The following SYNPR variants were observed in gnomAD, a reference collection of about 807,000 sequenced individuals.
The protein encoded by SYNPR is synaptoporin.
Under a neutral mutation model 32.9 loss-of-function variants are expected in SYNPR, and 23 were observed. The ratio of observed to expected loss-of-function variants is 0.70; its 90% CI spans 0.50 to 0.99. The LOEUF (loss-of-function observed/expected upper bound fraction) is 0.99, where lower values mean the gene tolerates loss of function less well. Ranked by LOEUF, SYNPR falls within the 50% of genes least tolerant of loss-of-function variation. The pLI, the probability that SYNPR is intolerant of heterozygous loss-of-function variation, is 0.00. For missense variants in SYNPR, 318 were observed against 349.3 expected, an observed-to-expected ratio of 0.91 and a Z score of 0.71; for synonymous variants, 146 against 135.9, an observed-to-expected ratio of 1.07 and a Z score of -0.52.
intron 1 of SYNPR, among the ~76,000 whole-genome samples, chr3:63,250,124 G>A (rs1035064359): frequency 7.9e-5 from 12 of 151,898 alleles, no homozygotes; most frequent in African/African-American, 2.9e-4. Context: ...TAGCATTGTA[G>A]GATAAATATG....
chr3:63,245,737 GTGTA>G (rs1328043495), intron 1 of SYNPR, among the ~76,000 whole-genome samples: 7,501 of 94,612 alleles, frequency 0.079, 185 homozygotes, highest in Middle Eastern at 0.16. Context: ...GTGTGTGTGT[GTGTA>G]TGTGTGTGTG....
chr3:63,409,112 T>C (rs1264920599), intron 2 of SYNPR, among the ~76,000 whole-genome samples: 5 of 152,148 alleles, frequency 3.3e-5, no homozygotes, highest in Non-Finnish European at 7.4e-5. Context: ...TATCATGGCA[T>C]AAACCCTATA....
intron 3 of SYNPR, among the ~76,000 whole-genome samples, chr3:63,502,308 C>T (rs1434120996): frequency 6.6e-6 from 1 of 151,810 alleles, no homozygotes; most frequent in Admixed American, 6.6e-5. Context: ...ATCCCCCTTC[C>T]CCGCCACATG....
intron 2 of SYNPR, among the ~76,000 whole-genome samples, chr3:63,323,576 A>T (rs1374178867): frequency 6.6e-6 from 1 of 152,036 alleles, no homozygotes; most frequent in Non-Finnish European, 1.5e-5. Context: ...TTTTGCTGAG[A>T]CATGATGGAA....
intron 2 of SYNPR, among the ~76,000 whole-genome samples, chr3:63,477,700 C>T (rs752589411): frequency 4.6e-5 from 7 of 152,078 alleles, no homozygotes; most frequent in East Asian, 1.9e-4. Context: ...TTTCTGGGCA[C>T]GAGCAAGCCG....
chr3:63,503,147 G>A (rs1193170740), intron 3 of SYNPR, among the ~76,000 whole-genome samples: 1 of 152,068 alleles, frequency 6.6e-6, no homozygotes, highest in African/African-American at 2.4e-5. Context: ...ATAATATTAA[G>A]AGGTATGTAA....
chr3:63,420,617 C>A lies in SYNPR; in HGVS notation c.85-60215C>A, dbSNP rs117774923. Among the ~76,000 whole-genome samples the A allele has an allele frequency of 3.9e-5, 6 of 152,070 alleles. No individual in the cohort carries two copies. The East Asian group carries it at 9.7e-4, about 24-fold the overall frequency. Reference sequence around the variant, plus strand: ...CTATAGTTTTAAAAATGGAAAATATCTTTATAATTTCAGATCTAGGAGGAA... The same window carrying A: ...CTATAGTTTTAAAAATGGAAAATATATTTATAATTTCAGATCTAGGAGGAA... On this transcript the variant is annotated intron_variant, in intron 2 of 5. Coordinates refer to ENST00000478300, the MANE Select transcript of SYNPR (RefSeq NM_001130003.2).
intron 3 of SYNPR, among the ~76,000 whole-genome samples, chr3:63,508,877 A>G (rs1701640073): frequency 6.6e-6 from 1 of 152,120 alleles, no homozygotes; most frequent in African/African-American, 2.4e-5. Context: ...AAAAATATTC[A>G]TTCACTAAGT....
chr3:63,419,999 G>A (rs1490180640), intron 2 of SYNPR, among the ~76,000 whole-genome samples: 2 of 152,166 alleles, frequency 1.3e-5, no homozygotes, highest in Non-Finnish European at 2.9e-5. Context: ...CTACCTAGTA[G>A]TAAATCTAAC....
At chr3:63,504,693 G>GA (rs1322956273) in intron 3 of SYNPR, among the ~76,000 whole-genome samples, 2 of 152,054 alleles carry the variant, frequency 1.3e-5, no homozygotes, top group Non-Finnish European at 2.9e-5. Flanking sequence ...ATCTATGCTT[G>GA]AAAAAAGGCA....
At chr3:63,363,945 A>C (rs1348463372) in intron 2 of SYNPR, among the ~76,000 whole-genome samples, 1 of 152,222 alleles carries the variant, frequency 6.6e-6, no homozygotes, top group Admixed American at 6.5e-5. Context: ...TAAGTATGAA[A>C]AGGAAATTTA....
At chr3:63,396,596 T>C (rs1289918335) in intron 2 of SYNPR, among the ~76,000 whole-genome samples, 7 of 152,046 alleles carry the variant, frequency 4.6e-5, no homozygotes, top group Admixed American at 1.3e-4. Context: ...GACTATCAGG[T>C]CTTTAGTTTG....
At chr3:63,399,211 T>C (rs1298697697) in intron 2 of SYNPR, among the ~76,000 whole-genome samples, 1 of 152,152 alleles carries the variant, frequency 6.6e-6, no homozygotes, top group South Asian at 2.1e-4. Context: ...TCAGTTTTAG[T>C]CCCAGTGCCT....
intron 2 of SYNPR, among the ~76,000 whole-genome samples, chr3:63,437,651 G>A (rs766356542): frequency 6.8e-6 from 1 of 147,362 alleles, no homozygotes; most frequent in East Asian, 2.2e-4. Context: ...GGTAGGGAGG[G>A]AGGGAGGGAG....
At chr3:63,583,304 C>CTGTAGGCCATGTGGACATATATG (rs1703124122) in intron 4 of SYNPR, among the ~76,000 whole-genome samples, 2 of 152,036 alleles carry the variant, frequency 1.3e-5, no homozygotes. Context: ...TTCTTGGCTC[C>CTGTAGGCCATGTGGACATATATG]TGTAGGCCAT....
At chr3:63,604,734 G>C (rs186113181) in intron 4 of SYNPR, among the ~76,000 whole-genome samples, 1 of 152,100 alleles carries the variant, frequency 6.6e-6, no homozygotes, top group Non-Finnish European at 1.5e-5. Context: ...AAAATTTACT[G>C]AGGATGGTAA....
At chr3:63,440,371 G>T (rs1171989694) in intron 2 of SYNPR, among the ~76,000 whole-genome samples, 1 of 152,072 alleles carries the variant, frequency 6.6e-6, no homozygotes, top group Non-Finnish European at 1.5e-5. Flanking sequence ...AAAGGGTTTG[G>T]GTTTTACTTA....
intron 2 of SYNPR, among the ~76,000 whole-genome samples, chr3:63,302,681 A>C (rs1217826551): frequency 6.6e-6 from 1 of 152,046 alleles, no homozygotes; most frequent in Non-Finnish European, 1.5e-5. Context: ...ACATTTAATA[A>C]ATAGCTGCAA....
intron 2 of SYNPR, among the ~76,000 whole-genome samples, chr3:63,414,348 C>A (rs1018552580): frequency 6.6e-6 from 1 of 151,986 alleles, no homozygotes; most frequent in Admixed American, 6.6e-5. Flanking sequence ...GGATTTCTTA[C>A]TTTTTGGAGT....
Sources: allele counts gnomAD v4.1 joint callset (sites outside exome capture counted in the v4.1 genomes callset), GRCh38; gene constraint gnomAD v4.1.1; transcripts MANE v1.5; gene names NCBI Gene and HGNC (gene_info 2026-07-23, HGNC 2026-07-21).